SCEL: variants seen among roughly 807,000 people sequenced by gnomAD.
The protein encoded by SCEL is sciellin.
A neutral mutation model predicts 117.6 loss-of-function variants in SCEL; 113 were observed. The observed-to-expected ratio is 0.96, with a 90% CI of 0.83 to 1.12. SCEL has a LOEUF of 1.12. SCEL is among the 50% of genes most tolerant of loss of function. The probability of loss-of-function intolerance (pLI) is 0.00; values close to 1 mark genes in which losing one functional copy is unlikely to be tolerated. For synonymous variants in SCEL, 270 were observed against 256.2 expected (o/e 1.05, Z -0.51); for missense variants, 785 against 810.8 (o/e 0.97, Z 0.39).
At chr13:77,593,492 A>G (rs2087039662) in intron 11 of SCEL, 22 bp from the exon 12 acceptor site, 1 of 1,592,752 alleles carries the variant, frequency 6.3e-7, no homozygotes, top group Middle Eastern at 1.7e-4. Flanking sequence ...ATTGACCTGT[A>G]TTTATTTTTC....
intron 28 of SCEL, among the ~76,000 whole-genome samples, chr13:77,633,756 C>T (rs1371478187): frequency 6.6e-6 from 1 of 152,230 alleles, no homozygotes; most frequent in Non-Finnish European, 1.5e-5. Flanking sequence ...CCACATCCAA[C>T]TTGACCCTTT....
intron 1 of SCEL, among the ~76,000 whole-genome samples, chr13:77,549,897 A>G (rs1405028512): frequency 6.6e-6 from 1 of 152,100 alleles, no homozygotes; most frequent in East Asian, 1.9e-4. Context: ...TGGGACTGGG[A>G]TAATCTTGTG....
chr13:77,550,387 AATATAT>A (rs71203062), intron 1 of SCEL, among the ~76,000 whole-genome samples: 4 of 144,496 alleles, frequency 2.8e-5, no homozygotes, highest in East Asian at 2.0e-4. Flanking sequence ...CTTTGTCTAA[AATATAT>A]ATATATATAT....
chr13:77,597,665 G>A (rs565919210), intron 13 of SCEL, 76 bp downstream of exon 13: 16 of 744,342 alleles, frequency 2.1e-5, no homozygotes, highest in Middle Eastern at 5.0e-4. Flanking sequence ...GTCTTTGAGC[G>A]TGAGGACCCA....
chr13:77,589,395 T>C (rs984629314), intron 10 of SCEL, among the ~76,000 whole-genome samples, 171 bp downstream of exon 10: 5 of 152,210 alleles, frequency 3.3e-5, no homozygotes, highest in African/African-American at 4.8e-5. Context: ...TGTTTATTTA[T>C]GTTTGTCTTT....
At chr13:77,585,498 A>G (rs888425143) in intron 9 of SCEL, among the ~76,000 whole-genome samples, 2 of 152,002 alleles carry the variant, frequency 1.3e-5, no homozygotes, top group Admixed American at 6.6e-5. Flanking sequence ...AAAAGACACT[A>G]TTTCCTGTGT....
In SCEL at chr13:77,599,745, A is replaced by G. The variant is rs574619353; in HGVS notation, c.914A>G (p.Lys305Arg). ...AGTACCCGGACAGATAAAGATGGCA[A>G]AGGGTAAGATTTTATTAAGACAGAC... Reference protein sequence around the residue: ...YMSTRTDKDGKGIQSLGSPIK... With the variant: ...YMSTRTDKDGRGIQSLGSPIK... Residue 305 changes from lysine to arginine, a missense_variant, in exon 15 of 33, where the codon AAA (lysine) becomes AGA (arginine). By Grantham distance (26) the Lys-to-Arg change is conservative. Coordinates refer to ENST00000349847, the MANE Select transcript of SCEL (RefSeq NM_144777.3). 6 of 1,606,990 alleles carry G rather than the reference A, an allele frequency of 3.7e-6. No homozygotes were observed. The South Asian group carries it at 6.6e-5, about 18-fold the overall frequency.
chr13:77,632,334 GCTGT>G (rs1010476668), intron 28 of SCEL, among the ~76,000 whole-genome samples: 1 of 152,146 alleles, frequency 6.6e-6, no homozygotes, highest in Non-Finnish European at 1.5e-5. Flanking sequence ...GTCCTTTGAC[GCTGT>G]CTACTTCTTA....
At chr13:77,571,378 CAA>C (rs34247478) in intron 8 of SCEL, among the ~76,000 whole-genome samples, 23,917 of 124,082 alleles carry the variant, frequency 0.19, 2,411 homozygotes, top group African/African-American at 0.28. Context: ...GACTACATCT[CAA>C]AAAAAAAAAA....
intron 7 of SCEL, among the ~76,000 whole-genome samples, 177 bp from the exon 8 acceptor site, chr13:77,569,194 A>G (rs995844504): frequency 6.6e-6 from 1 of 152,240 alleles, no homozygotes; most frequent in Non-Finnish European, 1.5e-5. Context: ...GAACCTGACA[A>G]CTTCTAAAAT....
chr13:77,592,387 A>G (rs1201686331), intron 11 of SCEL, among the ~76,000 whole-genome samples: 6 of 152,160 alleles, frequency 3.9e-5, no homozygotes, highest in African/African-American at 1.4e-4. Context: ...ACACAGTTTA[A>G]TAGAGTTTTC....
chr13:77,644,356 G>A lies in SCEL; in HGVS notation c.*82G>A, dbSNP rs1241707589. The A allele has an allele frequency of 1.9e-5, 27 of 1,395,236 alleles. No individual in the cohort carries two copies. The highest frequency in any genetic ancestry group is 3.7e-4 in the Middle Eastern group (2 of 5,372). 86.4% of individuals were successfully genotyped at this position (1,395,236 alleles called of 1,614,324 possible). ...TTTTATCTTAATAATATGTAATCTA[G>A]AAAAGCTTTCACATTGAAGATCAAC... is the stretch of plus-strand genomic sequence containing the variant. On this transcript the variant is annotated 3_prime_UTR_variant, in exon 33 of 33. Coordinates refer to ENST00000349847, the MANE Select transcript of SCEL (RefSeq NM_144777.3).
rs1327381085 is a variant in SCEL at position 77,634,370 on chromosome 13, G to T, written c.1692-9G>T. 1 of 1,610,978 alleles carries T rather than the reference G, an allele frequency of 6.2e-7. No homozygotes were observed. Among genetic ancestry groups the T allele is most frequent in the Non-Finnish European group, 8.5e-7 (1 of 1,177,558 alleles). On this transcript the variant is annotated splice_polypyrimidine_tract_variant and intron_variant, in intron 28 of 32. Transcript: ENST00000349847. Reference sequence around the variant, plus strand: ...CTTTAATCATGAAGTAAAATGATTTGTTTTGCAGCTCTAACACTGGAGCCA... The same window carrying T: ...CTTTAATCATGAAGTAAAATGATTTTTTTTGCAGCTCTAACACTGGAGCCA...
intron 20 of SCEL, among the ~76,000 whole-genome samples, chr13:77,608,701 A>G (rs2088414028): frequency 1.3e-5 from 2 of 152,236 alleles, no homozygotes; most frequent in Admixed American, 6.5e-5. Flanking sequence ...TTACAAATGG[A>G]AATTATTAAC....
chr13:77,617,730 A>G (rs546501199), intron 25 of SCEL, 72 bp downstream of exon 25: 764 of 1,474,258 alleles, frequency 5.2e-4, no homozygotes, highest in Non-Finnish European at 7.0e-4. Flanking sequence ...CTTCAAGCAG[A>G]TTTATAACCT....
chr13:77,555,889 C>T lies in SCEL; in HGVS notation c.14C>T (p.Thr5Ile). The T allele has an allele frequency of 6.2e-7, 1 of 1,613,218 alleles. No homozygotes were observed. Among genetic ancestry groups the T allele is most frequent in the Admixed American group, 1.7e-5 (1 of 60,014 alleles). ...CTGGAAGGCAGCATGTCCAATGTTA[C>T]CTTGAGAAAAATGTCTCCCACAGGA... MSNVTLRKMSPTGNE... is the reference protein window; with the variant it reads MSNVILRKMSPTGNE... The change falls in exon 2 of 33, where the codon ACC becomes ATC. Residue 5 changes from threonine to isoleucine, a missense_variant. Coordinates refer to ENST00000349847, the MANE Select transcript of SCEL (RefSeq NM_144777.3).
intron 27 of SCEL, among the ~76,000 whole-genome samples, chr13:77,623,700 A>T (rs981998860): frequency 2.0e-5 from 3 of 152,178 alleles, no homozygotes; most frequent in Admixed American, 6.5e-5. Context: ...TCTCAGATCC[A>T]AACCATTCTT....
At chr13:77,597,873 T>C (rs1475131250) in intron 13 of SCEL, among the ~76,000 whole-genome samples, 2 of 152,068 alleles carry the variant, frequency 1.3e-5, no homozygotes, top group African/African-American at 4.8e-5. Context: ...ATTAATTAAC[T>C]AAAATGTAAA....
Position 77,608,134 on chromosome 13 carries a change from C to G in SCEL, c.1217+19C>G, listed in dbSNP as rs781707533. ...ACCAAGGGTGAGGACTATGTCTTAC[C>G]TCTCTTCCTTCCCCTTCCCCATCCA... On this transcript the variant is annotated intron_variant, in intron 20 of 32. Transcript: ENST00000349847. 12 of 1,580,478 alleles carry G rather than the reference C, an allele frequency of 7.6e-6. No individual in the cohort carries two copies. Among genetic ancestry groups the G allele is most frequent in the Admixed American group, 1.7e-5 (1 of 57,296 alleles).
Sources: gnomAD v4.1 joint callset for allele counts (sites outside exome capture counted in the v4.1 genomes callset) on GRCh38, gnomAD v4.1.1 for gene constraint, MANE v1.5 for transcripts, NCBI Gene and HGNC (gene_info 2026-07-23, HGNC 2026-07-21) for gene names.